Variants in SLC5A11 observed in about 807,000 individuals in gnomAD.
SLC5A11 encodes solute carrier family 5 member 11, also known as sodium/myo-inositol cotransporter 2.
A neutral mutation model predicts 69.8 loss-of-function variants in SLC5A11; 48 were observed. That is an observed-to-expected ratio of 0.69 (90% CI 0.55 to 0.87). The LOEUF (loss-of-function observed/expected upper bound fraction) is 0.87. SLC5A11 is among the 40% of genes least tolerant of loss of function. SLC5A11 has a pLI of 0.00. For synonymous variants in SLC5A11, 319 were observed against 342.4 expected, an observed-to-expected ratio of 0.93 and a Z score of 0.75; for missense variants, 784 against 866.1, an observed-to-expected ratio of 0.91 and a Z score of 1.19.
At chr16:24,885,079 C>T (rs1421888278) in intron 8 of SLC5A11, among the ~76,000 whole-genome samples, 1 of 152,144 alleles carries the variant, frequency 6.6e-6, no homozygotes, top group Non-Finnish European at 1.5e-5. Flanking sequence ...CACACCTAGA[C>T]TTTAGCATTT....
chr16:24,865,047 G>T lies in SLC5A11; in HGVS notation c.207+2375G>T, dbSNP rs886475471. 3.9e-5 allele frequency among the ~76,000 whole-genome samples: 6 copies of T among 152,256 alleles called. 1 individual carries two copies. The highest frequency in any genetic ancestry group is 1.3e-4 in the Admixed American group (2 of 15,296). On this transcript the variant is annotated intron_variant, in intron 3 of 15. Transcript: ENST00000347898. ...TAACATACACATAATTGAAGTTCCA[G>T]AGGAGAGGAGAGAGAGAGAAAGGGG... is the stretch of plus-strand genomic sequence containing the variant.
At chr16:24,895,596 G>A (rs1397266523) in intron 9 of SLC5A11, among the ~76,000 whole-genome samples, 2 of 138,770 alleles carry the variant, frequency 1.4e-5, no homozygotes, top group Non-Finnish European at 3.2e-5. Flanking sequence ...GAAAAGGAGG[G>A]GAGGGGAGGG....
At chr16:24,883,050 C>T (rs1452487117) in intron 7 of SLC5A11, among the ~76,000 whole-genome samples, 1 of 152,204 alleles carries the variant, frequency 6.6e-6, no homozygotes, top group Non-Finnish European at 1.5e-5. Flanking sequence ...CTAATACTCA[C>T]ATCCTTTATC....
chr16:24,852,473 C>G (rs1052952959), intron 1 of SLC5A11, among the ~76,000 whole-genome samples: 2 of 152,160 alleles, frequency 1.3e-5, no homozygotes, highest in African/African-American at 4.8e-5. Context: ...GGCTGTTCTC[C>G]TTGCCAACAA....
chr16:24,886,280 G>A (rs780462234), intron 8 of SLC5A11, among the ~76,000 whole-genome samples: 1 of 151,974 alleles, frequency 6.6e-6, no homozygotes, highest in Admixed American at 6.6e-5. Context: ...TCTTCTGCCC[G>A]CCTTGGCCTC....
intron 14 of SLC5A11, 122 bp downstream of exon 15, chr16:24,909,218 G>A: frequency 1.0e-6 from 1 of 969,348 alleles, no homozygotes; most frequent in Non-Finnish European, 1.5e-6. Context: ...CCAGGGTTGA[G>A]GTTCAGGGGC....
chr16:24,867,412 A>G (rs904481009), intron 3 of SLC5A11, among the ~76,000 whole-genome samples: 3 of 152,194 alleles, frequency 2.0e-5, no homozygotes, highest in Non-Finnish European at 2.9e-5. Context: ...CATATTAAAA[A>G]AGAAGAAAGA....
intron 3 of SLC5A11, 33 bp from the exon 5 acceptor site, chr16:24,869,868 T>C (rs373718792): frequency 1.3e-5 from 19 of 1,501,256 alleles, no homozygotes; most frequent in Non-Finnish European, 1.7e-5. Context: ...CTTGACTTTG[T>C]CTCCAAGATC....
chr16:24,866,991 A>G (rs552648287), intron 3 of SLC5A11, among the ~76,000 whole-genome samples: 204 of 152,328 alleles, frequency 1.3e-3, no homozygotes, highest in African/African-American at 4.7e-3. Flanking sequence ...TAAGATCAAC[A>G]AGAAAATAGA....
chr16:24,871,591 C>T lies in SLC5A11; in HGVS notation c.313-569C>T, dbSNP rs2047308736. Among the ~76,000 whole-genome samples, 3 of 152,050 alleles carry T rather than the reference C, an allele frequency of 2.0e-5. No homozygotes were observed. The South Asian group carries it at 6.2e-4, about 32-fold the overall frequency. On this transcript the variant is annotated intron_variant, in intron 4 of 15. Transcript: ENST00000347898. ...CCCAGCTGGGCAAGTTTCTTAACCTCTCTGAGCCTCATGTACATAATAGGC... is the reference window on the plus strand; with the variant it reads ...CCCAGCTGGGCAAGTTTCTTAACCTTTCTGAGCCTCATGTACATAATAGGC...
At chr16:24,858,592 C>CA (rs2059629744) in intron 1 of SLC5A11, 28 bp from the exon 3 acceptor site, 1 of 1,565,396 alleles carries the variant, frequency 6.4e-7, no homozygotes. Flanking sequence ...TAGGATCTGG[C>CA]ATTTGACTGG....
intron 4 of SLC5A11, 106 bp from the exon 6 acceptor site, chr16:24,872,054 C>A: frequency 7.8e-7 from 1 of 1,283,696 alleles, no homozygotes; most frequent in Non-Finnish European, 1.1e-6. Flanking sequence ...AGAGACTACA[C>A]CAGAGGTGGA....
At chr16:24,891,685 T>C (rs1271316782) in intron 9 of SLC5A11, among the ~76,000 whole-genome samples, 2 of 151,976 alleles carry the variant, frequency 1.3e-5, no homozygotes, top group East Asian at 3.9e-4. Context: ...ACCTTTTAAA[T>C]GGGGGTAAAA....
chr16:24,891,223 A>G (rs2048782466), intron 9 of SLC5A11, 149 bp downstream of exon 10: 5 of 698,992 alleles, frequency 7.2e-6, no homozygotes, highest in South Asian at 2.0e-5. Context: ...ATTGCTCTAC[A>G]TGCTATTTTA....
intron 7 of SLC5A11, among the ~76,000 whole-genome samples, chr16:24,880,029 A>G (rs1379995978): frequency 1.3e-5 from 2 of 152,210 alleles, no homozygotes; most frequent in Non-Finnish European, 2.9e-5. Context: ...TCCTTTGGGT[A>G]CATACCCAGT....
At chr16:24,858,896 C>T in intron 2 of SLC5A11, 118 bp downstream of exon 3, 1 of 1,327,876 alleles carries the variant, frequency 7.5e-7, no homozygotes, top group Non-Finnish European at 1.0e-6. Flanking sequence ...AAGAAACTAA[C>T]ACAAGGTTAT....
At chr16:24,849,593 A>AAAAAAAAAAAAAAATATATATATATATAT in intron 1 of SLC5A11, among the ~76,000 whole-genome samples, 2 of 35,900 alleles carry the variant, frequency 5.6e-5, no homozygotes, top group Non-Finnish European at 1.1e-4. Flanking sequence ...AAAAAAAAAA[A>AAAAAAAAAAAAAAATATATATATATATAT]ATATATATAT....
intron 7 of SLC5A11, among the ~76,000 whole-genome samples, chr16:24,882,990 T>C (rs150604033): frequency 1.3e-3 from 200 of 152,338 alleles, no homozygotes; most frequent in African/African-American, 4.6e-3. Flanking sequence ...AAGAATCCTC[T>C]GAGGCACCAT....
intron 10 of SLC5A11, among the ~76,000 whole-genome samples, chr16:24,901,335 C>T (rs868384132): frequency 6.6e-6 from 1 of 152,114 alleles, no homozygotes; most frequent in African/African-American, 2.4e-5. Context: ...ATTCATTTGG[C>T]CAGGAGCAAT....
Sources: allele counts gnomAD v4.1 joint callset (sites outside exome capture counted in the v4.1 genomes callset), GRCh38; gene constraint gnomAD v4.1.1; transcripts MANE v1.5; gene names NCBI Gene and HGNC (gene_info 2026-07-23, HGNC 2026-07-21).